GRIP2: variants seen among roughly 807,000 people sequenced by gnomAD.
GRIP2 encodes the protein glutamate receptor interacting protein 2, also known as glutamate receptor-interacting protein 2.
In GRIP2, 58 loss-of-function variants were observed where a neutral mutation model predicts 108.3. The ratio of observed to expected loss-of-function variants is 0.54; its 90% CI spans 0.43 to 0.67. The LOEUF (loss-of-function observed/expected upper bound fraction) is 0.67. Among genes scored for constraint, GRIP2 ranks in the 30% least tolerant of loss-of-function variants. The pLI is 0.00. For synonymous variants in GRIP2, 586 were observed against 598.2 expected (o/e 0.98, Z 0.30); for missense variants, 1,278 against 1,430.6 (o/e 0.89, Z 1.72).
chr3:14,558,907 G>A (rs903393088), upstream of GRIP2, among the ~76,000 whole-genome samples: 1 of 152,206 alleles, frequency 6.6e-6, no homozygotes, highest in Non-Finnish European at 1.5e-5. Flanking sequence ...GGATAACCTC[G>A]CCCTACCTGC....
chr3:14,523,198 C>T, intron 5 of GRIP2, 123 bp from the exon 6 acceptor site: 1 of 721,786 alleles, frequency 1.4e-6, no homozygotes, highest in Non-Finnish European at 2.4e-6. Context: ...CCTTGCTATC[C>T]ATGGACCCTC....
the GRIP2 span, among the ~76,000 whole-genome samples, chr3:14,577,887 A>G: frequency 6.6e-6 from 1 of 152,232 alleles, no homozygotes; most frequent in Non-Finnish European, 1.5e-5. Context: ...GGGCTGGCTA[A>G]GGATGGTGCA....
chr3:14,522,996 T>C lies in GRIP2; in HGVS notation c.566+4A>G, dbSNP rs1461579814. On this transcript the variant is annotated splice_donor_region_variant and intron_variant, in intron 6 of 23. Transcript: ENST00000621039. This position sits in a 1 kb window ranked among gnomAD's most constrained non-coding sequence, Gnocchi z 4.3. ...GTGTGTGGATTTCTTCTGCCTCGGC[T>C]CACCTGTCGGCAGGGCCACCGGGCC... The C allele has an allele frequency of 6.2e-7, 1 of 1,613,548 alleles. No homozygotes were observed. The highest frequency in any genetic ancestry group is 1.3e-5 in the African/African-American group (1 of 75,022).
rs576718607 is a variant in GRIP2 at position 14,537,170 on chromosome 3, C to T, written c.40+3099G>A. 6.6e-3 allele frequency among the ~76,000 whole-genome samples: 1,005 copies of T among 152,312 alleles called. 19 individuals carry two copies. Among genetic ancestry groups the T allele is most frequent in the African/African-American group, 0.023 (950 of 41,562 alleles). ...ACATCTGTCCTTTCGACCCAAGGCC[C>T]ACCAGACTCACATCCCCCTAGGGCC... On this transcript the variant is annotated intron_variant, in intron 1 of 23. Coordinates refer to ENST00000621039, the MANE Select transcript of GRIP2 (RefSeq NM_001080423.4).
chr3:14,558,133 G>A (rs1188301479), upstream of GRIP2, among the ~76,000 whole-genome samples: 1 of 152,218 alleles, frequency 6.6e-6, no homozygotes, highest in Non-Finnish European at 1.5e-5. Context: ...GAGCGCATGA[G>A]GGTGGTCCTA....
At chr3:14,497,839 C>G (rs780336515) in intron 21 of GRIP2, among the ~76,000 whole-genome samples, 1 of 152,190 alleles carries the variant, frequency 6.6e-6, no homozygotes, top group African/African-American at 2.4e-5. Flanking sequence ...AGAACGGGCT[C>G]AGGAAGTGAG....
At chr3:14,513,864 A>G in intron 12 of GRIP2, 54 bp from the exon 13 acceptor site, 1 of 1,588,038 alleles carries the variant, frequency 6.3e-7, no homozygotes, top group Admixed American at 1.7e-5. Flanking sequence ...GTCCATTGGG[A>G]GACAAGAACG....
chr3:14,517,890 C>A lies in GRIP2; in HGVS notation c.1038G>T (p.Val346=). Residue 346 remains valine, a synonymous_variant, in exon 10 of 24, where the codon GTG becomes GTT. Coordinates refer to ENST00000621039, the MANE Select transcript of GRIP2 (RefSeq NM_001080423.4). ...RPLRPSEAVK[V]QRSEQLHRWD... ...AGCGGTGCAGCTGCTCACTCCTCTG[C>A]ACTTTCACTGTAGCCAGCGGAGAAA... 6.4e-7 allele frequency: 1 copy of A among 1,568,628 alleles called. No individual in the cohort carries two copies. The highest frequency in any genetic ancestry group is 1.2e-5 in the South Asian group (1 of 84,652).
chr3:14,510,053 T>C, intron 16 of GRIP2, 89 bp from the exon 17 acceptor site: 1 of 1,176,536 alleles, frequency 8.5e-7, no homozygotes. Flanking sequence ...CTCATACTTA[T>C]TTATTAATTC....
At position 14,494,900 on chromosome 3, in the gene GRIP2, C is replaced by T. The variant is rs1206543432; in HGVS notation, c.2913G>A (p.Val971=). The change falls in exon 23 of 24, where the codon GTG becomes GTA. Residue 971 remains valine (V), a synonymous_variant. Transcript: ENST00000621039. ...CACGGTGGGCTGGCCCATCAGGGCG[C>T]ACAGTGTGGACATAGACACCTTTTT... ...LLEKGVYVHT[V]RPDGPAHRGG... is the part of the protein sequence containing the mutation. 9 of 1,613,780 alleles carry T rather than the reference C, an allele frequency of 5.6e-6. No individual in the cohort carries two copies. Among genetic ancestry groups the T allele is most frequent in the African/African-American group, 2.7e-5 (2 of 74,918 alleles).
chr3:14,527,653 G>A (rs1049736745), intron 1 of GRIP2, among the ~76,000 whole-genome samples: 11 of 152,166 alleles, frequency 7.2e-5, no homozygotes, highest in Non-Finnish European at 1.2e-4. Flanking sequence ...ACTTTGGGAG[G>A]TCAAGGTGGG....
At chr3:14,523,962 G>C (rs945771901) in intron 4 of GRIP2, 1 of 528,586 alleles carries the variant, frequency 1.9e-6, no homozygotes, top group Non-Finnish European at 3.4e-6. Context: ...GTCCATGGCT[G>C]GTAGGCTCAG....
intron 1 of GRIP2, among the ~76,000 whole-genome samples, chr3:14,552,271 G>T (rs1695161869): frequency 6.6e-6 from 1 of 152,062 alleles, no homozygotes; most frequent in Non-Finnish European, 1.5e-5. Context: ...GGAGGCCAAG[G>T]GGAGTGCCAT....
rs1694093517 is a variant in GRIP2, at chr3:14,511,522, C to T, written c.1721-43G>A. On this transcript the variant is annotated intron_variant, in intron 14 of 23. Transcript: ENST00000621039. The surrounding 1 kb of genome is among the most constrained non-coding windows in gnomAD (Gnocchi z 4.1). ...ATGAATCTGACCTTGGTGGCCTCAGCCTGGGGTGGGGTGGCGAAGCCCAGG... is the reference window on the plus strand; with the variant it reads ...ATGAATCTGACCTTGGTGGCCTCAGTCTGGGGTGGGGTGGCGAAGCCCAGG... 2.5e-6 allele frequency: 4 copies of T among 1,601,506 alleles called. No homozygotes were observed. The highest frequency in any genetic ancestry group is 1.1e-5 in the South Asian group (1 of 90,200).
chr3:14,594,967 G>A, the GRIP2 span, among the ~76,000 whole-genome samples: 1 of 152,222 alleles, frequency 6.6e-6, no homozygotes, highest in Non-Finnish European at 1.5e-5. Context: ...CGCAATCACA[G>A]TTCACTGCAG....
chr3:14,597,157 C>T, the GRIP2 span, among the ~76,000 whole-genome samples: 6 of 152,272 alleles, frequency 3.9e-5, no homozygotes, highest in South Asian at 1.2e-3. Context: ...TGGGTGAAGG[C>T]ATTAAAGCCT....
the GRIP2 span, among the ~76,000 whole-genome samples, chr3:14,579,630 G>A: frequency 8.6e-5 from 13 of 151,950 alleles, no homozygotes; most frequent in African/African-American, 2.9e-4. Flanking sequence ...AGATGAGAAC[G>A]CCACAGCCCT....
At chr3:14,587,611 C>G in the GRIP2 span, among the ~76,000 whole-genome samples, 1 of 149,304 alleles carries the variant, frequency 6.7e-6, no homozygotes, top group Non-Finnish European at 1.5e-5. Flanking sequence ...TGCACTCCAG[C>G]CTGGGCGACA....
intron 1 of GRIP2, among the ~76,000 whole-genome samples, chr3:14,532,623 G>A (rs1223266953): frequency 1.3e-5 from 2 of 152,130 alleles, no homozygotes; most frequent in African/African-American, 4.8e-5. Context: ...ATAGTCAGGA[G>A]GGGACTCAAC....
Sources: gnomAD v4.1 joint callset for allele counts (sites outside exome capture counted in the v4.1 genomes callset) on GRCh38, gnomAD v4.1.1 for gene constraint, Gnocchi (gnomAD v3.1) non-coding constraint, MANE v1.5 for transcripts, NCBI Gene and HGNC (gene_info 2026-07-23, HGNC 2026-07-21) for gene names.